Variants in UBN2 observed in about 807,000 individuals in gnomAD.
UBN2 encodes ubinuclein 2, also known as ubinuclein-2.
In UBN2, 35 loss-of-function variants were observed where a neutral mutation model predicts 120.2. The ratio of observed to expected loss-of-function variants is 0.29; its 90% CI spans 0.22 to 0.39. The LOEUF is 0.39. UBN2 is among the 10% of genes least tolerant of loss of function. The pLI is 1.00. For missense variants in UBN2, 1,693 were observed against 1,663.2 expected, an observed-to-expected ratio of 1.02 and a Z score of -0.31; for synonymous variants, 661 against 648.7, an observed-to-expected ratio of 1.02 and a Z score of -0.29.
chr7:139,309,089 G>A (rs1331186960), downstream of UBN2, among the ~76,000 whole-genome samples: 48 of 152,120 alleles, frequency 3.2e-4, 1 homozygote, highest in Admixed American at 3.1e-3. Context: ...AGAAATTCAG[G>A]TAAGGGGTGG....
chr7:139,240,454 A>ATATATATTT (rs371717591), intron 2 of UBN2, among the ~76,000 whole-genome samples: 20 of 123,108 alleles, frequency 1.6e-4, no homozygotes, highest in East Asian at 9.1e-4. Flanking sequence ...ATATATATAT[A>ATATATATTT]TTTTTTTTTT....
At chr7:139,290,173 A>G (rs1053977808) in intron 15 of UBN2, among the ~76,000 whole-genome samples, 2 of 152,162 alleles carry the variant, frequency 1.3e-5, no homozygotes, top group Admixed American at 6.6e-5. Flanking sequence ...TGATCTCATG[A>G]TCCGCCCACC....
chr7:139,287,957 A>G (rs1298182310), intron 15 of UBN2, among the ~76,000 whole-genome samples: 8 of 152,174 alleles, frequency 5.3e-5, no homozygotes, highest in African/African-American at 1.9e-4. Flanking sequence ...ACAAATGGCA[A>G]AAGTTAAACT....
At position 139,293,529 on chromosome 7, in the gene UBN2, AT is replaced by A. The variant is rs1798024786; in HGVS notation, c.3901+68del. On this transcript the variant is annotated intron_variant, in intron 16 of 17. Coordinates refer to ENST00000473989, the MANE Select transcript of UBN2 (RefSeq NM_173569.4). ...ACAGAACAGGAAACCTCACAAATTT[AT>A]TCTAATTAAGAGTAGTCCAGTTGGA... The A allele has an allele frequency of 2.2e-6, 3 of 1,348,694 alleles. No homozygotes were observed. In the East Asian group the frequency reaches 7.0e-5, roughly 31 times the overall value. The allele number at this position is 1,348,694 out of a possible 1,614,324, so 83.5% of individuals were successfully genotyped here.
chr7:139,317,186 GTATTAT>G, the UBN2 span, among the ~76,000 whole-genome samples: 1 of 151,546 alleles, frequency 6.6e-6, no homozygotes, highest in African/African-American at 2.4e-5. Context: ...TCATTAATCT[GTATTAT>G]TATTATTTGA....
At chr7:139,293,506 A>G (rs1798024158) in intron 16 of UBN2, 43 bp downstream of exon 16, 2 of 1,540,266 alleles carry the variant, frequency 1.3e-6, no homozygotes, top group Non-Finnish European at 1.8e-6. Context: ...CTAGCTTGAC[A>G]GAACAGGAAA....
At chr7:139,312,351 A>G (rs928420387), downstream of UBN2, among the ~76,000 whole-genome samples, 2 of 152,218 alleles carry the variant, frequency 1.3e-5, no homozygotes, top group African/African-American at 2.4e-5. Context: ...CCACGTTGCT[A>G]TGCGTACATT....
chr7:139,286,117 A>G (rs1458987103), intron 15 of UBN2, among the ~76,000 whole-genome samples: 1 of 152,080 alleles, frequency 6.6e-6, no homozygotes, highest in African/African-American at 2.4e-5. Flanking sequence ...TAGTAGAGAC[A>G]GTGTATTGCC....
rs542931516 is a variant in UBN2 at position 139,293,379 on chromosome 7, A to C, written c.3817A>C (p.Ile1273Leu). The C allele has an allele frequency of 1.9e-6, 3 of 1,613,948 alleles. No homozygotes were observed. Among genetic ancestry groups the C allele is most frequent in the African/African-American group, 1.3e-5 (1 of 74,948 alleles). Residue 1273 changes from isoleucine (I) to leucine (L), a missense_variant, in exon 16 of 18, where the codon ATA becomes CTA. Transcript: ENST00000473989. ...VTMPFQFPLEIFGFGTDTAGV... is the reference protein window; with the variant it reads ...VTMPFQFPLELFGFGTDTAGV... ...CATGCCCTTCCAGTTTCCCTTGGAG[A>C]TATTTGGCTTTGGAACGGACACAGC...
chr7:139,326,056 G>T, the UBN2 span, among the ~76,000 whole-genome samples: 1 of 147,672 alleles, frequency 6.8e-6, no homozygotes, highest in Non-Finnish European at 1.5e-5. Flanking sequence ...CCAGTTCGAT[G>T]ACCAGCCTGG....
At chr7:139,270,749 A>AT (rs1016835961) in intron 8 of UBN2, among the ~76,000 whole-genome samples, 153 of 144,010 alleles carry the variant, frequency 1.1e-3, no homozygotes, top group African/African-American at 1.9e-3. Flanking sequence ...TCACTTTTTA[A>AT]TTTTTTTTTT....
intron 1 of UBN2, among the ~76,000 whole-genome samples, chr7:139,233,462 G>A (rs910324656): frequency 6.6e-6 from 1 of 152,082 alleles, no homozygotes; most frequent in Non-Finnish European, 1.5e-5. Flanking sequence ...TAGCAATAAC[G>A]ACATTTACTG....
In UBN2 at chr7:139,293,431, C is replaced by A; in HGVS notation, c.3869C>A (p.Thr1290Asn). The A allele has an allele frequency of 6.2e-7, 1 of 1,614,152 alleles. No homozygotes were observed. ...TAGVTTTSGS[T>N]SAAFHHSLTQ... is the part of the protein sequence containing the mutation. Reference sequence around the variant, plus strand: ...GGAGTGACAACCACCTCGGGATCTACCTCAGCCGCTTTCCACCATAGCCTA... The same window carrying A: ...GGAGTGACAACCACCTCGGGATCTAACTCAGCCGCTTTCCACCATAGCCTA... Residue 1290 changes from threonine (T) to asparagine (N), a missense_variant, in exon 16 of 18, where the codon ACC becomes AAC. By Grantham distance (65) the Thr-to-Asn change is moderately conservative. This residue lies in a region of UBN2 where 837 missense variants were observed against 817.6 expected (regional missense o/e 1.02). Coordinates refer to ENST00000473989, the MANE Select transcript of UBN2 (RefSeq NM_173569.4).
At chr7:139,282,737 A>G (rs1218729566) in intron 14 of UBN2, among the ~76,000 whole-genome samples, 1 of 152,170 alleles carries the variant, frequency 6.6e-6, no homozygotes, top group East Asian at 1.9e-4. Context: ...TTGAAGATCT[A>G]ATGCAGGTGG....
chr7:139,325,261 CTTTTTTTTT>C, the UBN2 span, among the ~76,000 whole-genome samples: 1 of 90,850 alleles, frequency 1.1e-5, no homozygotes, highest in Non-Finnish European at 2.0e-5. Context: ...GAAATCACTG[CTTTTTTTTT>C]TTTTTTTTTT....
chr7:139,234,674 A>G (rs987321730), intron 1 of UBN2, among the ~76,000 whole-genome samples: 10 of 152,226 alleles, frequency 6.6e-5, no homozygotes, highest in African/African-American at 2.4e-4. Context: ...AATGATTGAT[A>G]CACAAGAAAA....
At position 139,301,450 on chromosome 7, in the gene UBN2, C is replaced by T. The variant is rs1358138729; in HGVS notation, c.*3614C>T. 2.6e-5 allele frequency: 4 copies of T among 152,136 alleles called. No individual in the cohort carries two copies. Among genetic ancestry groups the T allele is most frequent in the Non-Finnish European group, 4.4e-5 (3 of 68,024 alleles). The allele number at this position is 152,136 out of a possible 1,614,324, so 9.4% of individuals were successfully genotyped here. On this transcript the variant is annotated 3_prime_UTR_variant, in exon 18 of 18. Transcript: ENST00000473989. Reference sequence around the variant, plus strand: ...ACTGCCATTGGTTATGAGAACTCTGCGTCCTTTGGGATCATCTCTTAGAAC... The same window carrying T: ...ACTGCCATTGGTTATGAGAACTCTGTGTCCTTTGGGATCATCTCTTAGAAC...
the UBN2 span, among the ~76,000 whole-genome samples, chr7:139,325,941 A>G: frequency 6.6e-6 from 1 of 152,144 alleles, no homozygotes; most frequent in Admixed American, 6.6e-5. Context: ...CTGTAATCCC[A>G]GCACTTTGGG....
Position 139,283,453 on chromosome 7 carries a change from A to G in UBN2, c.2548A>G (p.Thr850Ala). ...VPKKPQDLAH[T>A]GISSGLIAGS... ...AAAGAAACCCCAGGATTTAGCTCAT[A>G]CTGGCATCTCTTCAGGCCTTATTGC... The change falls in exon 15 of 18, where the codon ACT becomes GCT. Residue 850 changes from threonine to alanine, a missense_variant. Thr to Ala is a moderately conservative substitution (Grantham distance 58). Coordinates refer to ENST00000473989, the MANE Select transcript of UBN2 (RefSeq NM_173569.4). 1.9e-6 allele frequency: 3 copies of G among 1,614,124 alleles called. No individual in the cohort carries two copies. The highest frequency in any genetic ancestry group is 2.5e-6 in the Non-Finnish European group (3 of 1,180,024).
Sources: gnomAD v4.1 joint callset for allele counts (sites outside exome capture counted in the v4.1 genomes callset) on GRCh38, gnomAD v4.1.1 for gene constraint, gnomAD v4.1.1 regional missense constraint, MANE v1.5 for transcripts, NCBI Gene and HGNC (gene_info 2026-07-23, HGNC 2026-07-21) for gene names.